The following CRB1 variants were observed in gnomAD, a reference collection of about 807,000 sequenced individuals.
The protein encoded by CRB1 is protein crumbs homolog 1.
CRB1 carries 83 observed loss-of-function variants against 120.0 expected under a neutral mutation model. That is an observed-to-expected ratio of 0.69 (90% CI 0.58 to 0.83). The LOEUF is 0.83. Ranked by LOEUF, CRB1 falls within the 40% of genes least tolerant of loss-of-function variation. CRB1 has a pLI of 0.00. For synonymous variants in CRB1, 625 were observed against 612.5 expected, an observed-to-expected ratio of 1.02 and a Z score of -0.30; for missense variants, 1,699 against 1,687.6, an observed-to-expected ratio of 1.01 and a Z score of -0.12.
chr1:197,469,832 C>T (rs1317583442), intron 11 of CRB1, among the ~76,000 whole-genome samples: 3 of 152,052 alleles, frequency 2.0e-5, no homozygotes, highest in South Asian at 2.1e-4. Context: ...CACGTGATAA[C>T]GTTTCCATTC....
intron 5 of CRB1, among the ~76,000 whole-genome samples, chr1:197,384,498 T>C (rs1662115821): frequency 6.6e-6 from 1 of 152,172 alleles, no homozygotes; most frequent in African/African-American, 2.4e-5. Flanking sequence ...ACCCTTGTCT[T>C]AATTCTAAGC....
intron 4 of CRB1, among the ~76,000 whole-genome samples, chr1:197,351,399 A>C (rs1401519683): frequency 6.6e-6 from 1 of 151,008 alleles, no homozygotes; most frequent in South Asian, 2.1e-4. Context: ...AGAAGAAAAG[A>C]AAAGAGAAAA....
intron 5 of CRB1, among the ~76,000 whole-genome samples, chr1:197,395,602 G>C (rs764488281): frequency 1.3e-5 from 2 of 152,116 alleles, no homozygotes; most frequent in Non-Finnish European, 2.9e-5. Context: ...GGTCTTCTCT[G>C]TGCTCCAGTG....
At chr1:197,362,311 A>C (rs367597766) in intron 5 of CRB1, among the ~76,000 whole-genome samples, 143 of 152,216 alleles carry the variant, frequency 9.4e-4, no homozygotes, top group African/African-American at 3.1e-3. Flanking sequence ...GCCTGAATAA[A>C]AATTAAAAAA....
intron 5 of CRB1, among the ~76,000 whole-genome samples, chr1:197,404,115 T>A (rs963265913): frequency 6.6e-6 from 1 of 152,192 alleles, no homozygotes; most frequent in Non-Finnish European, 1.5e-5. Context: ...GTTCTGCAAG[T>A]TGTCATTTCT....
At chr1:197,264,224 G>A (rs750994674), upstream of CRB1, among the ~76,000 whole-genome samples, 2 of 152,130 alleles carry the variant, frequency 1.3e-5, no homozygotes, top group Non-Finnish European at 2.9e-5. Context: ...AGAACATGCG[G>A]TATTTGTTTT....
intron 11 of CRB1, among the ~76,000 whole-genome samples, chr1:197,455,272 A>G (rs964407756): frequency 6.6e-6 from 1 of 152,140 alleles, no homozygotes; most frequent in Middle Eastern, 3.2e-3. Flanking sequence ...CATGTTCCAA[A>G]CCAATTAACT....
At chr1:197,307,643 C>T (rs561403810) in intron 1 of CRB1, among the ~76,000 whole-genome samples, 5 of 152,236 alleles carry the variant, frequency 3.3e-5, no homozygotes, top group African/African-American at 1.2e-4. Context: ...TAAATTATTT[C>T]TAATCAAAAG....
At chr1:197,382,647 A>T (rs1662015097) in intron 5 of CRB1, among the ~76,000 whole-genome samples, 1 of 152,220 alleles carries the variant, frequency 6.6e-6, no homozygotes, top group African/African-American at 2.4e-5. Flanking sequence ...TGCAAAATAG[A>T]AAATATGCCC....
chr1:197,349,893 G>T (rs1283719214), intron 4 of CRB1, among the ~76,000 whole-genome samples: 1 of 151,892 alleles, frequency 6.6e-6, no homozygotes, highest in Non-Finnish European at 1.5e-5. Flanking sequence ...GAGGTCAGGA[G>T]ATCGAGACCA....
At chr1:197,254,038 G>A in the CRB1 span, among the ~76,000 whole-genome samples, 1 of 152,056 alleles carries the variant, frequency 6.6e-6, no homozygotes, top group Non-Finnish European at 1.5e-5. Context: ...CAAACTCTGG[G>A]CCTTCATTCT....
intron 1 of CRB1, among the ~76,000 whole-genome samples, chr1:197,324,261 C>A (rs928630410): frequency 6.6e-6 from 1 of 152,064 alleles, no homozygotes; most frequent in Non-Finnish European, 1.5e-5. Flanking sequence ...TCAGAACCCC[C>A]AAAACTCTCT....
At chr1:197,383,420 A>G (rs558004355) in intron 5 of CRB1, among the ~76,000 whole-genome samples, 1 of 152,294 alleles carries the variant, frequency 6.6e-6, no homozygotes, top group Admixed American at 6.5e-5. Context: ...ATGACTATGA[A>G]TAAGTGTACC....
chr1:197,390,006 T>C (rs951700475), intron 5 of CRB1, among the ~76,000 whole-genome samples: 6 of 152,108 alleles, frequency 3.9e-5, no homozygotes, highest in Non-Finnish European at 8.8e-5. Flanking sequence ...AAAACAACTG[T>C]GAACTTCCTT....
chr1:197,213,234 A>G, the CRB1 span, among the ~76,000 whole-genome samples: 2 of 152,212 alleles, frequency 1.3e-5, no homozygotes, highest in East Asian at 1.9e-4. Context: ...TCCTACTGAG[A>G]ATGATACAAC....
the CRB1 span, among the ~76,000 whole-genome samples, chr1:197,257,219 A>C: frequency 2.0e-4 from 30 of 152,240 alleles, no homozygotes; most frequent in South Asian, 6.2e-3. Flanking sequence ...TCCCAGATCA[A>C]GAAGAGAGAG....
At chr1:197,273,752 A>G (rs771024541) in intron 1 of CRB1, among the ~76,000 whole-genome samples, 3 of 151,488 alleles carry the variant, frequency 2.0e-5, no homozygotes, top group Non-Finnish European at 4.4e-5. Context: ...CTTTTCACGT[A>G]CTCCCCATCA....
chr1:197,394,603 AATGC>A (rs1662680496), intron 5 of CRB1, among the ~76,000 whole-genome samples: 1 of 152,080 alleles, frequency 6.6e-6, no homozygotes. Flanking sequence ...AATTATAATT[AATGC>A]AATTATGATA....
At chr1:197,207,966 T>A in the CRB1 span, among the ~76,000 whole-genome samples, 3 of 152,134 alleles carry the variant, frequency 2.0e-5, no homozygotes, top group African/African-American at 7.2e-5. Context: ...AAAAGCCTTG[T>A]CTTTGAGCTC....
Sources: gnomAD v4.1 joint callset for allele counts (sites outside exome capture counted in the v4.1 genomes callset) on GRCh38, gnomAD v4.1.1 for gene constraint, MANE v1.5 for transcripts, NCBI Gene and HGNC (gene_info 2026-07-23, HGNC 2026-07-21) for gene names.